Variants in TRAPPC12 observed in about 807,000 individuals in gnomAD.
TRAPPC12 encodes trafficking protein particle complex subunit 12, also known as TPR repeat protein 15.
A neutral mutation model predicts 69.2 loss-of-function variants in TRAPPC12; 61 were observed. The ratio of observed to expected loss-of-function variants is 0.88; its 90% CI spans 0.72 to 1.09. The LOEUF (loss-of-function observed/expected upper bound fraction) is 1.09, where lower values mean the gene tolerates loss of function less well. Among genes scored for constraint, TRAPPC12 ranks in the 50% least tolerant of loss-of-function variants. The probability of loss-of-function intolerance (pLI) is 0.00; values close to 1 mark genes in which losing one functional copy is unlikely to be tolerated. For synonymous variants in TRAPPC12, 469 were observed against 438.9 expected (o/e 1.07, Z -0.86); for missense variants, 1,101 against 1,016.4 (o/e 1.08, Z -1.13).
chr2:3,424,560 G>C lies in TRAPPC12; in HGVS notation c.1314G>C (p.Leu438Phe). Residue 438 changes from leucine to phenylalanine, a missense_variant, in exon 5 of 12, where the codon TTG (leucine) becomes TTC (phenylalanine). Physicochemically the swap from Leu to Phe is conservative, Grantham distance 22. Coordinates refer to ENST00000324266, the MANE Select transcript of TRAPPC12 (RefSeq NM_016030.6). The stretch of plus-strand genomic sequence containing the variant: ...TCAGGCTGGCACTACTAGTGAAGTT[G>C]GGCCTTTTCCAGAATGCTGAGATGG... The part of the protein sequence containing the change: ...WFVRLALLVK[L>F]GLFQNAEMEF... 1 of 1,613,618 alleles carries C rather than the reference G, an allele frequency of 6.2e-7. No individual in the cohort carries two copies. The highest frequency in any genetic ancestry group is 2.2e-5 in the East Asian group (1 of 44,880).
chr2:3,438,643 T>C (rs930080559), intron 5 of TRAPPC12, among the ~76,000 whole-genome samples: 1 of 151,284 alleles, frequency 6.6e-6, no homozygotes, highest in Non-Finnish European at 1.5e-5. Flanking sequence ...TTCCATTGTC[T>C]CCATAGTTTC....
At chr2:3,381,917 T>C (rs1660229255) in intron 1 of TRAPPC12, among the ~76,000 whole-genome samples, 1 of 152,236 alleles carries the variant, frequency 6.6e-6, no homozygotes, top group African/African-American at 2.4e-5. Context: ...ACACTTTTGT[T>C]TAATTTACAT....
intron 2 of TRAPPC12, among the ~76,000 whole-genome samples, chr2:3,401,161 C>T (rs756210714): frequency 1.3e-5 from 2 of 152,200 alleles, no homozygotes; most frequent in African/African-American, 2.4e-5. Flanking sequence ...GCGAGGCTAC[C>T]GAGGACCTGC....
intron 2 of TRAPPC12, among the ~76,000 whole-genome samples, chr2:3,395,641 C>T (rs1247116820): frequency 6.7e-6 from 1 of 149,504 alleles, no homozygotes; most frequent in Non-Finnish European, 1.5e-5. Flanking sequence ...CAGCTCACTG[C>T]AACCTCCGCC....
At chr2:3,465,967 C>G (rs550454213) in intron 9 of TRAPPC12, among the ~76,000 whole-genome samples, 92 of 152,322 alleles carry the variant, frequency 6.0e-4, no homozygotes, top group African/African-American at 2.1e-3. Context: ...AGACATTGTC[C>G]TGCTGCAGTT....
At chr2:3,434,914 ACAGTTTTC>A (rs567432463) in intron 5 of TRAPPC12, among the ~76,000 whole-genome samples, 28 of 152,344 alleles carry the variant, frequency 1.8e-4, no homozygotes, top group Admixed American at 1.6e-3. Context: ...CCTTCAGGCT[ACAGTTTTC>A]CATCTGGACC....
intron 6 of TRAPPC12, among the ~76,000 whole-genome samples, chr2:3,448,798 C>T (rs1055687469): frequency 2.0e-5 from 3 of 152,204 alleles, no homozygotes; most frequent in Non-Finnish European, 4.4e-5. Flanking sequence ...GTGCCGGGAG[C>T]ACAATCCGGG....
chr2:3,446,588 C>T (rs987795121), intron 6 of TRAPPC12, among the ~76,000 whole-genome samples: 2 of 152,206 alleles, frequency 1.3e-5, no homozygotes, highest in Admixed American at 6.5e-5. Context: ...GGCTCATGGC[C>T]GCATGTGGGC....
chr2:3,479,127 C>T, intron 11 of TRAPPC12, 92 bp from the exon 12 acceptor site: 3 of 1,558,024 alleles, frequency 1.9e-6, no homozygotes, highest in Non-Finnish European at 1.7e-6. Flanking sequence ...GCACCACCCC[C>T]AGGCCCCTAA....
chr2:3,411,396 A>G (rs570535603), intron 3 of TRAPPC12, among the ~76,000 whole-genome samples: 14 of 152,336 alleles, frequency 9.2e-5, no homozygotes, highest in Admixed American at 7.8e-4. Context: ...TTATTTTTTC[A>G]TTCACAAAAC....
Position 3,421,941 on chromosome 2 carries a change from C to G in TRAPPC12, c.1225C>G (p.Gln409Glu). 6.2e-7 allele frequency: 1 copy of G among 1,613,748 alleles called. No homozygotes were observed. Among genetic ancestry groups the G allele is most frequent in the Non-Finnish European group, 8.5e-7 (1 of 1,179,996 alleles). ...CGGACGTCTCCTCACAGCCCACGGC[C>G]AGGGCTACGGCAAGAGCGGGCTGCT... ...LCGRLLTAHG[Q>E]GYGKSGLLTS... The change falls in exon 4 of 12, where the codon CAG becomes GAG. Residue 409 changes from glutamine to glutamate, a missense_variant. Physicochemically the swap from Gln to Glu is conservative, Grantham distance 29. Transcript: ENST00000324266.
chr2:3,415,621 C>G (rs1662333355), intron 3 of TRAPPC12, among the ~76,000 whole-genome samples: 1 of 151,900 alleles, frequency 6.6e-6, no homozygotes, highest in Non-Finnish European at 1.5e-5. Context: ...CCAGGCTGCT[C>G]TCCAACTCCT....
At chr2:3,449,383 GCAGCCT>G (rs1214189353) in intron 6 of TRAPPC12, 2 of 152,508 alleles carry the variant, frequency 1.3e-5, no homozygotes, top group African/African-American at 4.8e-5. Context: ...CTGCAGTTCC[GCAGCCT>G]CCGGCTTCCC....
chr2:3,411,797 G>A (rs900369551), intron 3 of TRAPPC12, among the ~76,000 whole-genome samples: 1 of 152,182 alleles, frequency 6.6e-6, no homozygotes, highest in African/African-American at 2.4e-5. Context: ...AGTCTTAGGA[G>A]GAGAATTCTG....
chr2:3,471,385 C>T (rs1184013421), intron 9 of TRAPPC12, among the ~76,000 whole-genome samples: 1 of 152,188 alleles, frequency 6.6e-6, no homozygotes, highest in African/African-American at 2.4e-5. Context: ...GCAGGCAGAA[C>T]TATCATAGCC....
rs574274988 is a variant in TRAPPC12, at chr2:3,414,703, G to A, written c.1165-7178G>A. ...TCCATGCCGTGCCGCTTGTGCCTCT[G>A]CCCCGCGAGGGACACCATTCCCCGT... On this transcript the variant is annotated intron_variant, in intron 3 of 11. Coordinates refer to ENST00000324266, the MANE Select transcript of TRAPPC12 (RefSeq NM_016030.6). This position sits in a 1 kb window ranked among gnomAD's most constrained non-coding sequence, Gnocchi z 4.9. Among the ~76,000 whole-genome samples, 2 of 152,180 alleles carry A rather than the reference G, an allele frequency of 1.3e-5. No individual in the cohort carries two copies. Among genetic ancestry groups the A allele is most frequent in the East Asian group, 1.9e-4 (1 of 5,170 alleles).
chr2:3,408,198 T>C (rs763731816), intron 3 of TRAPPC12, among the ~76,000 whole-genome samples: 3 of 152,130 alleles, frequency 2.0e-5, no homozygotes, highest in Non-Finnish European at 4.4e-5. Context: ...GTGCCTCCAG[T>C]TGGAGGCTTG....
intron 6 of TRAPPC12, among the ~76,000 whole-genome samples, chr2:3,446,356 G>A (rs576604029): frequency 1.2e-4 from 19 of 152,166 alleles, no homozygotes; most frequent in African/African-American, 2.4e-4. Context: ...GATTTTCACC[G>A]TTAATTTCAA....
intron 6 of TRAPPC12, chr2:3,455,173 T>A (rs1043328632): frequency 6.6e-6 from 1 of 150,612 alleles, no homozygotes; most frequent in African/African-American, 2.4e-5. Context: ...CCCGTCCCTC[T>A]TTCTTCCTGT....
Sources: allele counts gnomAD v4.1 joint callset (sites outside exome capture counted in the v4.1 genomes callset), GRCh38; gene constraint gnomAD v4.1.1; non-coding constraint Gnocchi (gnomAD v3.1); transcripts MANE v1.5; gene names NCBI Gene and HGNC (gene_info 2026-07-23, HGNC 2026-07-21).